Variants in SPAG6 observed in about 807,000 individuals in gnomAD.
SPAG6 encodes the protein sperm associated antigen 6.
A neutral mutation model predicts 58.5 loss-of-function variants in SPAG6; 49 were observed. That is an observed-to-expected ratio of 0.84 (90% confidence interval 0.67 to 1.06). The LOEUF is 1.06. Ranked by LOEUF, SPAG6 falls within the 50% of genes least tolerant of loss-of-function variation. The pLI is 0.00. For synonymous variants in SPAG6, 233 were observed against 225.6 expected (o/e 1.03, Z -0.29); for missense variants, 560 against 611.3 (o/e 0.92, Z 0.89).
intron 10 of SPAG6, among the ~76,000 whole-genome samples, chr10:22,415,291 A>G (rs1834841952): frequency 6.6e-6 from 1 of 151,012 alleles, no homozygotes; most frequent in African/African-American, 2.4e-5. Context: ...AAAATTTATT[A>G]ATATTTAAAT....
At chr10:22,346,280 A>G (rs1836524547) in intron 2 of SPAG6, among the ~76,000 whole-genome samples, 1 of 152,068 alleles carries the variant, frequency 6.6e-6, no homozygotes, top group African/African-American at 2.4e-5. Flanking sequence ...AGAAATTCCA[A>G]GTAGGTAGAG....
At chr10:22,365,294 A>T (rs898161262) in intron 3 of SPAG6, among the ~76,000 whole-genome samples, 5 of 152,218 alleles carry the variant, frequency 3.3e-5, no homozygotes, top group African/African-American at 1.2e-4. Flanking sequence ...GTTTTAAACA[A>T]AGCTATCGGA....
chr10:22,349,006 T>C (rs1342735967), intron 2 of SPAG6, among the ~76,000 whole-genome samples: 2 of 151,916 alleles, frequency 1.3e-5, no homozygotes, highest in South Asian at 2.1e-4. Context: ...CTAATTTTTG[T>C]TTTGTTTTGT....
chr10:22,412,018 T>G (rs2130647613), intron 10 of SPAG6, among the ~76,000 whole-genome samples: 1 of 152,090 alleles, frequency 6.6e-6, no homozygotes, highest in South Asian at 2.1e-4. Context: ...CCAGCTAATT[T>G]TTTTGTATTT....
rs1345933124 is a variant in SPAG6, at chr10:22,391,927, G to T, written c.1197+7G>T. On this transcript the variant is annotated splice_region_variant and intron_variant, in intron 8 of 10. Transcript: ENST00000376624. The stretch of plus-strand genomic sequence containing the variant: ...TGAGGATCTCCAAGTAAAAGTAAGT[G>T]CTTAATTCTGTTTTATGAAGATTTT... The T allele has an allele frequency of 6.3e-7, 1 of 1,593,512 alleles. No individual in the cohort carries two copies. The highest frequency in any genetic ancestry group is 2.2e-5 in the East Asian group (1 of 44,704).
At chr10:22,410,097 T>C (rs1190772217) in intron 9 of SPAG6, among the ~76,000 whole-genome samples, 1 of 152,214 alleles carries the variant, frequency 6.6e-6, no homozygotes, top group Non-Finnish European at 1.5e-5. Flanking sequence ...TGACTTGTTT[T>C]TTAGTTTTCA....
intron 2 of SPAG6, chr10:22,346,028 C>G (rs2132020323): frequency 6.5e-7 from 1 of 1,543,540 alleles, no homozygotes; most frequent in East Asian, 2.5e-5. Flanking sequence ...GTCCCTGTTT[C>G]CATCTTCATT....
At chr10:22,353,625 C>T (rs1417215743) in intron 2 of SPAG6, among the ~76,000 whole-genome samples, 1 of 152,180 alleles carries the variant, frequency 6.6e-6, no homozygotes, top group Non-Finnish European at 1.5e-5. Context: ...CTGGTTTATT[C>T]ATTATTCTAT....
At chr10:22,378,156 T>G (rs1833866473) in intron 4 of SPAG6, among the ~76,000 whole-genome samples, 2 of 147,214 alleles carry the variant, frequency 1.4e-5, no homozygotes, top group African/African-American at 5.0e-5. Context: ...CTCCGCCTCC[T>G]GGGTTCAAAC....
Position 22,395,498 on chromosome 10 carries a change from CA to C in SPAG6, c.1197+3579del, listed in dbSNP as rs148806642. On this transcript the variant is annotated intron_variant, in intron 8 of 10. Transcript: ENST00000376624. ...TGGCTAATGATGTTGAAAATCTTTT[CA>C]TATGTTTATTGGCTGTTCATACGTC... 9.6e-3 allele frequency among the ~76,000 whole-genome samples: 1,469 copies of C among 152,252 alleles called. 29 individuals are homozygous for C. Among genetic ancestry groups the C allele is most frequent in the African/African-American group, 0.034 (1,412 of 41,548 alleles).
rs369149049 is a variant in SPAG6 at position 22,363,911 on chromosome 10, G to T, written c.122-942G>T. On this transcript the variant is annotated intron_variant, in intron 2 of 10. Coordinates refer to ENST00000376624, the MANE Select transcript of SPAG6 (RefSeq NM_012443.4). ...GGTACTTTGTTATATTTTGAATTCT[G>T]TCATTACATTTCTTGTAATCTTAGA... 4.6e-5 allele frequency among the ~76,000 whole-genome samples: 7 copies of T among 152,246 alleles called. No homozygotes were observed. The South Asian group carries it at 1.5e-3, about 32-fold the overall frequency.
At chr10:22,347,861 A>G (rs1203712540) in intron 2 of SPAG6, among the ~76,000 whole-genome samples, 1 of 152,210 alleles carries the variant, frequency 6.6e-6, no homozygotes, top group East Asian at 1.9e-4. Context: ...TGAGGGACTT[A>G]TTTTTAACAA....
At chr10:22,377,397 T>C (rs1833841148) in intron 4 of SPAG6, among the ~76,000 whole-genome samples, 1 of 152,222 alleles carries the variant, frequency 6.6e-6, no homozygotes, top group South Asian at 2.1e-4. Context: ...TGATGTTGTT[T>C]TAAGCTGCTC....
At chr10:22,373,775 G>A (rs919333052) in intron 4 of SPAG6, among the ~76,000 whole-genome samples, 2 of 151,940 alleles carry the variant, frequency 1.3e-5, no homozygotes, top group African/African-American at 2.4e-5. Flanking sequence ...CAAACATAGA[G>A]GCAAATGAGG....
At chr10:22,408,283 TTGA>T (rs1834614036) in intron 9 of SPAG6, among the ~76,000 whole-genome samples, 1 of 135,750 alleles carries the variant, frequency 7.4e-6, no homozygotes, top group Non-Finnish European at 1.5e-5. Flanking sequence ...CTTTTGGTCT[TTGA>T]TGATGTTGAT....
chr10:22,365,413 G>T (rs1450347641), intron 3 of SPAG6, among the ~76,000 whole-genome samples: 1 of 152,128 alleles, frequency 6.6e-6, no homozygotes, highest in African/African-American at 2.4e-5. Context: ...CTTGAGGCAA[G>T]GGGTAGAGAA....
chr10:22,406,437 G>T (rs1588561426), intron 9 of SPAG6, among the ~76,000 whole-genome samples: 1 of 152,268 alleles, frequency 6.6e-6, no homozygotes, highest in Middle Eastern at 3.4e-3. Flanking sequence ...TTTCCATGTA[G>T]TTGAGCGGTT....
rs186687287 is a variant in SPAG6 at position 22,410,935 on chromosome 10, C to T, written c.1315-96C>T. The T allele has an allele frequency of 1.2e-5, 15 of 1,293,322 alleles. No homozygotes were observed. In the South Asian group the frequency reaches 2.3e-4, roughly 20 times the overall value. 80.1% of individuals were successfully genotyped at this position (1,293,322 alleles called of 1,614,324 possible). On this transcript the variant is annotated intron_variant, in intron 9 of 10. Transcript: ENST00000376624. ...GTTATAGGTATATTGGGTATAAATTCTCTTTTACATTTTCTCACATACAGT... is the reference window on the plus strand; with the variant it reads ...GTTATAGGTATATTGGGTATAAATTTTCTTTTACATTTTCTCACATACAGT...
intron 2 of SPAG6, among the ~76,000 whole-genome samples, chr10:22,349,049 T>C (rs1836645365): frequency 6.6e-6 from 1 of 152,094 alleles, no homozygotes; most frequent in African/African-American, 2.4e-5. Flanking sequence ...GTTTTCACCA[T>C]GTTTAGCCAG....
Sources: gnomAD v4.1 joint callset for allele counts (sites outside exome capture counted in the v4.1 genomes callset) on GRCh38, gnomAD v4.1.1 for gene constraint, MANE v1.5 for transcripts, NCBI Gene and HGNC (gene_info 2026-07-23, HGNC 2026-07-21) for gene names.